The following STK32B variants were observed in gnomAD, a reference collection of about 807,000 sequenced individuals.
The protein encoded by STK32B is serine/threonine kinase 32B.
Under a neutral mutation model 52.6 loss-of-function variants are expected in STK32B, and 43 were observed. The observed-to-expected ratio is 0.82, with a 90% CI of 0.64 to 1.05. The LOEUF (loss-of-function observed/expected upper bound fraction) is 1.05. Among genes scored for constraint, STK32B ranks in the 50% least tolerant of loss-of-function variants. STK32B has a pLI of 0.00. For synonymous variants in STK32B, 238 were observed against 204.3 expected (o/e 1.17, Z -1.41); for missense variants, 621 against 534.6 (o/e 1.16, Z -1.59).
intron 4 of STK32B, among the ~76,000 whole-genome samples, chr4:5,340,157 G>C (rs929140234): frequency 1.1e-4 from 16 of 152,288 alleles, no homozygotes; most frequent in Admixed American, 3.3e-4. Flanking sequence ...CTGTGTACCA[G>C]CTCCTGGGAA....
rs150548970 is a variant in STK32B at position 5,175,265 on chromosome 4, G to A, written c.260+6815G>A. 2.4e-3 allele frequency among the ~76,000 whole-genome samples: 368 copies of A among 152,060 alleles called. 6 individuals are homozygous for A. In the East Asian group the frequency reaches 0.053, roughly 22 times the overall value. ...TGCTTCAAACTTCCACCTTCAGCTC[G>A]GAGTAGTTTGATCTTCTGAAGCCTT... is the stretch of plus-strand genomic sequence containing the variant. On this transcript the variant is annotated intron_variant, in intron 3 of 11. Coordinates refer to ENST00000282908, the MANE Select transcript of STK32B (RefSeq NM_018401.3).
chr4:5,032,312 A>C, the STK32B span, among the ~76,000 whole-genome samples: 1 of 151,746 alleles, frequency 6.6e-6, no homozygotes, highest in Non-Finnish European at 1.5e-5. Flanking sequence ...CGTCTCTACT[A>C]AAATACAAAA....
chr4:5,382,764 G>A (rs947039622), intron 4 of STK32B, among the ~76,000 whole-genome samples: 1 of 152,174 alleles, frequency 6.6e-6, no homozygotes, highest in Non-Finnish European at 1.5e-5. Context: ...CATATGCCAA[G>A]CCTGGACTCA....
intron 11 of STK32B, among the ~76,000 whole-genome samples, chr4:5,477,950 T>C (rs2109190760): frequency 6.6e-6 from 1 of 152,026 alleles, no homozygotes; most frequent in African/African-American, 2.4e-5. Context: ...CCAGCAAACC[T>C]CACCCTTAAG....
chr4:5,388,810 C>T (rs1465169224), intron 4 of STK32B, among the ~76,000 whole-genome samples: 1 of 152,132 alleles, frequency 6.6e-6, no homozygotes, highest in African/African-American at 2.4e-5. Flanking sequence ...ATTAATTGAC[C>T]CTGGTGCATC....
chr4:5,310,155 G>C (rs1412108963), intron 3 of STK32B, among the ~76,000 whole-genome samples: 3 of 152,052 alleles, frequency 2.0e-5, no homozygotes, highest in Non-Finnish European at 2.9e-5. Flanking sequence ...AACAGAGCAA[G>C]ACTCCATCTC....
chr4:5,256,525 A>G (rs565568533), intron 3 of STK32B, among the ~76,000 whole-genome samples: 9 of 152,282 alleles, frequency 5.9e-5, no homozygotes, highest in South Asian at 2.1e-4. Context: ...TAAATGAGCT[A>G]TATCCATCAG....
At chr4:5,129,597 G>A (rs1267703720) in intron 1 of STK32B, among the ~76,000 whole-genome samples, 1 of 152,102 alleles carries the variant, frequency 6.6e-6, no homozygotes, top group Non-Finnish European at 1.5e-5. Context: ...TGTCAATTTT[G>A]GGGAACAACC....
intron 3 of STK32B, among the ~76,000 whole-genome samples, chr4:5,198,169 C>G (rs56406101): frequency 0.094 from 14,371 of 152,142 alleles, 1,239 homozygotes; most frequent in African/African-American, 0.21. Flanking sequence ...TCAAAGTTAG[C>G]TATTATTATG....
intron 11 of STK32B, among the ~76,000 whole-genome samples, chr4:5,481,947 T>C (rs1268270594): frequency 6.6e-6 from 1 of 152,204 alleles, no homozygotes; most frequent in Non-Finnish European, 1.5e-5. Context: ...GGTCTGTATC[T>C]CTGTTTTGGT....
rs975357643 is a variant in STK32B, at chr4:5,378,653, C to T, written c.435-19554C>T. Among the ~76,000 whole-genome samples the T allele has an allele frequency of 6.6e-6, 1 of 151,920 alleles. No homozygotes were observed. Among genetic ancestry groups the T allele is most frequent in the Non-Finnish European group, 1.5e-5 (1 of 68,002 alleles). On this transcript the variant is annotated intron_variant, in intron 4 of 11. Coordinates refer to ENST00000282908, the MANE Select transcript of STK32B (RefSeq NM_018401.3). The surrounding 1 kb of genome is among the most constrained non-coding windows in gnomAD (Gnocchi z 4.4). ...AGTAGGTGTGTATATGTATGGGGTA[C>T]ATGAGATGTTTTGATACAGACATGC... is the stretch of plus-strand genomic sequence containing the variant.
chr4:5,416,837 A>T lies in STK32B; in HGVS notation c.473-8A>T. Reference sequence around the variant, plus strand: ...CGCTAACTGGAGTTTCTGTTTCTGTATTTGCAGGACATGTTCACATTACAG... The same window carrying T: ...CGCTAACTGGAGTTTCTGTTTCTGTTTTTGCAGGACATGTTCACATTACAG... On this transcript the variant is annotated splice_region_variant and splice_polypyrimidine_tract_variant and intron_variant, in intron 5 of 11. Coordinates refer to ENST00000282908, the MANE Select transcript of STK32B (RefSeq NM_018401.3). The T allele has an allele frequency of 6.2e-7, 1 of 1,612,876 alleles. No individual in the cohort carries two copies. Among genetic ancestry groups the T allele is most frequent in the Non-Finnish European group, 8.5e-7 (1 of 1,179,508 alleles).
Position 5,396,450 on chromosome 4 carries a change from T to C in STK32B, c.435-1757T>C, listed in dbSNP as rs921879583. ...TAATTACCTCTGCAAAGACTCCATT[T>C]CCATATAGGGTCCCATTCTGAAGTT... On this transcript the variant is annotated intron_variant, in intron 4 of 11. Transcript: ENST00000282908. This position sits in a 1 kb window ranked among gnomAD's most constrained non-coding sequence, Gnocchi z 4.7. Among the ~76,000 whole-genome samples, 16 of 152,196 alleles carry C rather than the reference T, an allele frequency of 1.1e-4. No individual in the cohort carries two copies. The highest frequency in any genetic ancestry group is 3.6e-4 in the African/African-American group (15 of 41,454).
chr4:5,440,090 C>T (rs1477746953), intron 6 of STK32B, among the ~76,000 whole-genome samples: 1 of 151,822 alleles, frequency 6.6e-6, no homozygotes, highest in African/African-American at 2.4e-5. Context: ...GATGCGGGCT[C>T]TTTTTTGGTT....
chr4:5,335,684 G>C (rs1044361020), intron 4 of STK32B, among the ~76,000 whole-genome samples: 1 of 151,808 alleles, frequency 6.6e-6, no homozygotes, highest in African/African-American at 2.4e-5. Flanking sequence ...TTGTGTCTTT[G>C]TTCTCGTTGG....
intron 4 of STK32B, among the ~76,000 whole-genome samples, chr4:5,371,766 A>G (rs115098302): frequency 0.011 from 1,689 of 152,384 alleles, 20 homozygotes; most frequent in Admixed American, 0.017. Context: ...TGCATCTGTG[A>G]ACAGCATTGA....
At chr4:5,321,826 G>T (rs1334506695) in intron 3 of STK32B, among the ~76,000 whole-genome samples, 1 of 152,096 alleles carries the variant, frequency 6.6e-6, no homozygotes, top group African/African-American at 2.4e-5. Context: ...CCTCTGCCTG[G>T]AGGTGCTGGA....
chr4:5,496,805 TA>T (rs531765285), intron 11 of STK32B, among the ~76,000 whole-genome samples: 5,616 of 142,556 alleles, frequency 0.039, 103 homozygotes, highest in African/African-American at 0.056. Flanking sequence ...TTCTTTGCTT[TA>T]AAAAAAAAAA....
At chr4:5,155,459 A>T (rs781748515) in intron 2 of STK32B, among the ~76,000 whole-genome samples, 2 of 152,154 alleles carry the variant, frequency 1.3e-5, no homozygotes, top group Non-Finnish European at 2.9e-5. Flanking sequence ...ATGCACATAT[A>T]TGTACATATA....
Sources: gnomAD v4.1 joint callset for allele counts (sites outside exome capture counted in the v4.1 genomes callset) on GRCh38, gnomAD v4.1.1 for gene constraint, Gnocchi (gnomAD v3.1) non-coding constraint, MANE v1.5 for transcripts, NCBI Gene and HGNC (gene_info 2026-07-23, HGNC 2026-07-21) for gene names.